The following NPAT variants were observed in gnomAD, a reference collection of about 807,000 sequenced individuals.
NPAT encodes nuclear protein, coactivator of histone transcription.
In NPAT, 52 loss-of-function variants were observed where a neutral mutation model predicts 130.7. That is an observed-to-expected ratio of 0.40 (90% CI 0.32 to 0.50). NPAT has a LOEUF of 0.50. Ranked by LOEUF, NPAT falls within the 20% of genes least tolerant of loss-of-function variation. The probability of loss-of-function intolerance (pLI) is 0.68; values close to 1 mark genes in which losing one functional copy is unlikely to be tolerated. For synonymous variants in NPAT, 580 were observed against 584.8 expected, an observed-to-expected ratio of 0.99 and a Z score of 0.12; for missense variants, 1,687 against 1,662.6, an observed-to-expected ratio of 1.01 and a Z score of -0.26.
At chr11:108,171,835 T>A (rs2077954440) in intron 13 of NPAT, 1 of 184,520 alleles carries the variant, frequency 5.4e-6, no homozygotes, top group Non-Finnish European at 1.1e-5. Context: ...AGATGATGAA[T>A]TCCCTGAAGA....
chr11:108,193,918 G>A lies in NPAT; in HGVS notation c.217+39C>T, dbSNP rs116454604. The A allele has an allele frequency of 2.9e-3, 3,383 of 1,152,862 alleles. 82 individuals carry two copies. In the African/African-American group the frequency reaches 0.044, roughly 15 times the overall value. The allele number at this position is 1,152,862 out of a possible 1,614,324, so 71.4% of individuals were successfully genotyped here. A position where few individuals can be genotyped will look rare whatever the true frequency, so the allele number is the denominator to read the frequency against. On this transcript the variant is annotated intron_variant, in intron 3 of 17. Transcript: ENST00000278612. Reference sequence around the variant, plus strand: ...TAACTAAATCAAGTAGATAAATATTGTATACATCAGCAAAAAAACTCCAAA... The same window carrying A: ...TAACTAAATCAAGTAGATAAATATTATATACATCAGCAAAAAAACTCCAAA...
Position 108,189,179 on chromosome 11 carries a change from A to G in NPAT, c.483T>C (p.Ser161=). Residue 161 remains serine (S), a synonymous_variant, in exon 6 of 18, where the codon AGT becomes AGC. Coordinates refer to ENST00000278612, the MANE Select transcript of NPAT (RefSeq NM_002519.3). ...PSTGTQVTRP[S]GQISDPSRSY... ...ACCTCGATGGATCTGAAATTTGGCC[A>G]CTTGGTCGAGTAACCTGTGTACCTG... 2 of 1,614,200 alleles carry G rather than the reference A, an allele frequency of 1.2e-6. No homozygotes were observed. The highest frequency in any genetic ancestry group is 2.2e-5 in the East Asian group (1 of 44,870).
chr11:108,169,365 C>A (rs972047741), intron 15 of NPAT, among the ~76,000 whole-genome samples: 4 of 152,160 alleles, frequency 2.6e-5, no homozygotes, highest in African/African-American at 4.8e-5. Flanking sequence ...CTGCATTTAA[C>A]AAAATCCCCA....
chr11:108,166,307 G>A (rs1410198328), intron 15 of NPAT, among the ~76,000 whole-genome samples: 4 of 152,016 alleles, frequency 2.6e-5, no homozygotes, highest in African/African-American at 9.7e-5. Context: ...CAGAAGAATC[G>A]CTTGAACCCG....
intron 1 of NPAT, among the ~76,000 whole-genome samples, chr11:108,199,294 C>G (rs1473124607): frequency 6.6e-6 from 1 of 152,214 alleles, no homozygotes; most frequent in Non-Finnish European, 1.5e-5. Flanking sequence ...CATGGCACAA[C>G]TGGACCAGCT....
intron 10 of NPAT, among the ~76,000 whole-genome samples, chr11:108,183,488 C>A (rs910873072): frequency 2.0e-5 from 3 of 152,156 alleles, no homozygotes; most frequent in Non-Finnish European, 4.4e-5. Context: ...CCTAAAATCA[C>A]AATTGCAGCT....
chr11:108,170,195 A>C, intron 13 of NPAT, 152 bp from the exon 14 acceptor site: 16 of 597,212 alleles, frequency 2.7e-5, no homozygotes, highest in East Asian at 6.1e-5. Flanking sequence ...ACAAAACAAA[A>C]CAAAACAAAA....
chr11:108,186,754 G>GTCTGCA (rs2078111723), intron 7 of NPAT, among the ~76,000 whole-genome samples, 185 bp from the exon 8 acceptor site: 1 of 152,118 alleles, frequency 6.6e-6, no homozygotes. Context: ...AAGTCCTACA[G>GTCTGCA]TCTGCACTAG....
At chr11:108,218,116 A>G (rs2134907071) in intron 1 of NPAT, among the ~76,000 whole-genome samples, 1 of 152,354 alleles carries the variant, frequency 6.6e-6, no homozygotes, top group Middle Eastern at 3.4e-3. Flanking sequence ...ATTCCTAAAA[A>G]CAACTTAAGA....
At chr11:108,163,260 AG>A (rs1296026186) in intron 15 of NPAT, among the ~76,000 whole-genome samples, 1 of 151,928 alleles carries the variant, frequency 6.6e-6, no homozygotes, top group Admixed American at 6.6e-5. Context: ...TTGTATTTTT[AG>A]TAGAGAAGGG....
intron 1 of NPAT, among the ~76,000 whole-genome samples, chr11:108,207,967 A>C (rs1409981679): frequency 5.3e-5 from 8 of 152,242 alleles, no homozygotes; most frequent in Non-Finnish European, 1.2e-4. Flanking sequence ...AGGAAAGATG[A>C]CTGGATTACA....
chr11:108,221,445 T>G lies in NPAT; in HGVS notation c.37+1055A>C, dbSNP rs146532775. ...AGACATTAACAAAACATTAAACTTG[T>G]CATTAAGTTTCTTCAAAAATGGATG... On this transcript the variant is annotated intron_variant, in intron 1 of 17. Transcript: ENST00000278612. 2.1e-3 allele frequency among the ~76,000 whole-genome samples: 320 copies of G among 152,350 alleles called. 3 individuals carry two copies. The highest frequency in any genetic ancestry group is 6.6e-3 in the African/African-American group (274 of 41,588).
intron 1 of NPAT, among the ~76,000 whole-genome samples, chr11:108,215,044 A>G (rs1475199709): frequency 6.6e-6 from 1 of 152,180 alleles, no homozygotes; most frequent in Non-Finnish European, 1.5e-5. Flanking sequence ...CTGGTCTTTC[A>G]GTCCCACAGA....
At chr11:108,210,108 C>T (rs1459087129) in intron 1 of NPAT, among the ~76,000 whole-genome samples, 1 of 148,420 alleles carries the variant, frequency 6.7e-6, no homozygotes, top group Non-Finnish European at 1.5e-5. Flanking sequence ...TCAAATTATA[C>T]TAGATCAGAA....
chr11:108,161,130 G>A lies in NPAT; in HGVS notation c.3956C>T (p.Ala1319Val). 10 of 1,614,152 alleles carry A rather than the reference G, an allele frequency of 6.2e-6. No individual in the cohort carries two copies. Among genetic ancestry groups the A allele is most frequent in the Non-Finnish European group, 8.5e-6 (10 of 1,180,024 alleles). ...ACTGTTTTCACTTCCTGTTTCACTG[G>A]CAGGGCTGCAGGCAGGCAAGTCTGG... ...VTPDLPACSP[A>V]SETGSENSVN... The change falls in exon 17 of 18, where the codon GCC (alanine) becomes GTC (valine). Residue 1319 changes from alanine (A) to valine (V), a missense_variant. Ala to Val is a moderately conservative substitution (Grantham distance 64, BLOSUM62 0). Coordinates refer to ENST00000278612, the MANE Select transcript of NPAT (RefSeq NM_002519.3).
intron 1 of NPAT, among the ~76,000 whole-genome samples, chr11:108,210,379 C>T (rs1163472372): frequency 2.6e-5 from 4 of 152,120 alleles, no homozygotes; most frequent in Non-Finnish European, 5.9e-5. Flanking sequence ...TTGAGATAGT[C>T]AGTTCTCACA....
intron 12 of NPAT, 107 bp downstream of exon 12, chr11:108,176,138 TA>T (rs2078003438): frequency 1.2e-6 from 1 of 828,208 alleles, no homozygotes; most frequent in South Asian, 1.5e-5. Context: ...AAAAATGACC[TA>T]TAACAATCTG....
At chr11:108,203,377 C>G (rs1408637168) in intron 1 of NPAT, among the ~76,000 whole-genome samples, 6 of 152,156 alleles carry the variant, frequency 3.9e-5, no homozygotes, top group Non-Finnish European at 8.8e-5. Context: ...TACCCTCTCT[C>G]CCTCTCTAGG....
chr11:108,214,053 C>T (rs1401874983), intron 1 of NPAT, among the ~76,000 whole-genome samples: 1 of 152,042 alleles, frequency 6.6e-6, no homozygotes, highest in Non-Finnish European at 1.5e-5. Context: ...AAATAAATGC[C>T]CAGCTAATTA....
Sources: gnomAD v4.1 joint callset for allele counts (sites outside exome capture counted in the v4.1 genomes callset) on GRCh38, gnomAD v4.1.1 for gene constraint, MANE v1.5 for transcripts, NCBI Gene and HGNC (gene_info 2026-07-23, HGNC 2026-07-21) for gene names.